CASP10: variants seen among roughly 807,000 people sequenced by gnomAD.
The protein encoded by CASP10 is caspase-10.
In CASP10, 41 loss-of-function variants were observed where a neutral mutation model predicts 48.5. That is an observed-to-expected ratio of 0.85 (90% CI 0.66 to 1.10). CASP10 has a LOEUF of 1.10. CASP10 is among the 50% of genes least tolerant of loss of function. The pLI is 0.00. For synonymous variants in CASP10, 232 were observed against 238.4 expected (o/e 0.97, Z 0.25); for missense variants, 614 against 614.5 (o/e 1.00, Z 0.01).
At position 201,186,112 on chromosome 2, in the gene CASP10, T is replaced by C. The variant is rs770155279; in HGVS notation, c.335T>C (p.Val112Ala). 12 of 1,611,488 alleles carry C rather than the reference T, an allele frequency of 7.4e-6. No individual in the cohort carries two copies. The highest frequency in any genetic ancestry group is 2.2e-5 in the East Asian group (1 of 44,876). Residue 112 changes from valine (V) to alanine (A), a missense_variant, in exon 2 of 10, where the codon GTT becomes GCT. Transcript: ENST00000286186. ...CGACTGCTGCCCACCCGACAAAGGG[T>C]TTCTCTGTTTAGGTGAGGACGGGTC... ...VERLLPTRQR[V>A]SLFRNLLYEL...
Position 201,219,006 on chromosome 2 carries a change from A to T in CASP10, c.*1265A>T. 1.0e-6 allele frequency: 1 copy of T among 983,170 alleles called. No individual in the cohort carries two copies. Among genetic ancestry groups the T allele is most frequent in the Non-Finnish European group, 1.2e-6 (1 of 827,838 alleles). The allele number at this position is 983,170 out of a possible 1,614,324, so 60.9% of individuals were successfully genotyped here. ...CATTTTGGACTGGGTGCGGTGACTC[A>T]TGCCTGTAATCCCAGTACTCTGGGA... On this transcript the variant is annotated 3_prime_UTR_variant, in exon 10 of 10. Coordinates refer to ENST00000286186, the MANE Select transcript of CASP10 (RefSeq NM_032977.4).
intron 7 of CASP10, 45 bp from the exon 8 acceptor site, chr2:201,208,030 C>T: frequency 7.1e-7 from 1 of 1,403,046 alleles, no homozygotes; most frequent in Non-Finnish European, 1.0e-6. Context: ...CATTTAAGGC[C>T]CTAAGATAAG....
intron 3 of CASP10, among the ~76,000 whole-genome samples, chr2:201,191,844 A>G (rs1944623177): frequency 6.6e-6 from 1 of 152,198 alleles, no homozygotes; most frequent in Non-Finnish European, 1.5e-5. Flanking sequence ...CAATCAGCAT[A>G]CAACATTGAG....
At chr2:201,188,870 GA>G (rs1282214106) in intron 3 of CASP10, among the ~76,000 whole-genome samples, 1 of 150,176 alleles carries the variant, frequency 6.7e-6, no homozygotes, top group East Asian at 1.9e-4. Context: ...GGAGATATTA[GA>G]ATTTTTTTTT....
chr2:201,208,080 A>G lies in CASP10; in HGVS notation c.819A>G (p.Ala273=). ...GGCTCTATCTATTCTTCAAGAGGGCAGCTGTGTACAGGATGAATCGGAACC... is the reference window on the plus strand; with the variant it reads ...GGCTCTATCTATTCTTCAAGAGGGCGGCTGTGTACAGGATGAATCGGAACC... ...TLNSETSTKR[A]AVYRMNRNHR... Residue 273 remains alanine, a synonymous_variant, in exon 8 of 10, where the codon GCA becomes GCG. Coordinates refer to ENST00000286186, the MANE Select transcript of CASP10 (RefSeq NM_032977.4). 2 of 1,612,258 alleles carry G rather than the reference A, an allele frequency of 1.2e-6. No individual in the cohort carries two copies. Among genetic ancestry groups the G allele is most frequent in the Non-Finnish European group, 1.7e-6 (2 of 1,178,352 alleles).
Position 201,208,334 on chromosome 2 carries a change from A to G in CASP10, c.922+151A>G, listed in dbSNP as rs1475561435. 24 of 1,412,340 alleles carry G rather than the reference A, an allele frequency of 1.7e-5. No homozygotes were observed. In the East Asian group the frequency reaches 5.9e-4, roughly 34 times the overall value. The allele number at this position is 1,412,340 out of a possible 1,614,324, so 87.5% of individuals were successfully genotyped here. ...GCCTCTTATATATCCCTGGGGAGTC[A>G]TCAGTCTGCTAAAGAGTGGCAAGAA... is the stretch of plus-strand genomic sequence containing the variant. On this transcript the variant is annotated intron_variant, in intron 8 of 9. Transcript: ENST00000286186.
At chr2:201,207,953 C>T in intron 7 of CASP10, 122 bp from the exon 8 acceptor site, 1 of 734,492 alleles carries the variant, frequency 1.4e-6, no homozygotes, top group Non-Finnish European at 2.5e-6. Flanking sequence ...ATGGTTTAAA[C>T]AACTGGCATG....
At chr2:201,203,093 G>A (rs779086999) in intron 5 of CASP10, among the ~76,000 whole-genome samples, 1 of 152,032 alleles carries the variant, frequency 6.6e-6, no homozygotes, top group African/African-American at 2.4e-5. Context: ...GCTGTCCTTG[G>A]CATCTTACTC....
At chr2:201,207,778 G>T (rs1303206189) in intron 7 of CASP10, among the ~76,000 whole-genome samples, 1 of 151,336 alleles carries the variant, frequency 6.6e-6, no homozygotes, top group East Asian at 1.9e-4. Context: ...AAAATTATCT[G>T]GGGGTGTTGG....
chr2:201,199,037 T>C (rs2126029606), intron 5 of CASP10, among the ~76,000 whole-genome samples: 1 of 152,280 alleles, frequency 6.6e-6, no homozygotes, highest in East Asian at 1.9e-4. Context: ...CCCATTTGCT[T>C]TATTATTTTT....
intron 9 of CASP10, chr2:201,213,428 G>C (rs1403750945): frequency 6.6e-6 from 1 of 152,120 alleles, no homozygotes; most frequent in Non-Finnish European, 1.5e-5. Flanking sequence ...GTTGTGTTGT[G>C]ACAAGTATAT....
At position 201,228,936 on chromosome 2, in the gene CASP10, G is replaced by A. The variant is rs142128351; in HGVS notation, c.1419G>A (p.Met473Ile). The A allele has an allele frequency of 8.5e-5, 137 of 1,614,088 alleles. No homozygotes were observed. The African/African-American group carries it at 1.6e-3, about 18-fold the overall frequency. Residue 473 changes from methionine (M) to isoleucine (I), a missense_variant, in exon 10 of 10, where the codon ATG becomes ATA. Transcript: ENST00000272879. ...TATTTCTCTTTGTGCTCAGTAGGATGCTGAAATTTCTGGAAAAGACAATGG... is the reference window on the plus strand; with the variant it reads ...TATTTCTCTTTGTGCTCAGTAGGATACTGAAATTTCTGGAAAAGACAATGG...
At chr2:201,210,178 C>T (rs1475263491) in intron 9 of CASP10, among the ~76,000 whole-genome samples, 2 of 152,220 alleles carry the variant, frequency 1.3e-5, no homozygotes, top group Non-Finnish European at 2.9e-5. Flanking sequence ...TATCTTTGGA[C>T]TTCTATTTGC....
At chr2:201,207,924 T>TAAC (rs1026437579) in intron 7 of CASP10, 151 bp from the exon 8 acceptor site, 10 of 678,022 alleles carry the variant, frequency 1.5e-5, no homozygotes, top group Non-Finnish European at 2.2e-5. Context: ...AACAACAAAA[T>TAAC]AACAACAACA....
intron 3 of CASP10, among the ~76,000 whole-genome samples, chr2:201,188,863 G>T (rs1944505859): frequency 2.6e-5 from 4 of 151,346 alleles, no homozygotes; most frequent in Admixed American, 2.6e-4. Context: ...CAAAAATGGA[G>T]ATATTAGAAT....
intron 6 of CASP10, 105 bp from the exon 7 acceptor site, chr2:201,205,777 G>A (rs1447448259): frequency 2.7e-6 from 2 of 745,630 alleles, no homozygotes; most frequent in African/African-American, 1.7e-5. Context: ...TCTCAGGAGG[G>A]CCTTGAGAGA....
chr2:201,201,696 G>C (rs997654559), intron 5 of CASP10, among the ~76,000 whole-genome samples: 1 of 152,146 alleles, frequency 6.6e-6, no homozygotes, highest in African/African-American at 2.4e-5. Flanking sequence ...GACTTTTAAG[G>C]TTGGAAGGTG....
chr2:201,214,699 T>C (rs982890740), intron 9 of CASP10: 9 of 152,192 alleles, frequency 5.9e-5, no homozygotes, highest in African/African-American at 1.9e-4. Flanking sequence ...CTAAGCCATA[T>C]ATGTTGGAAA....
At chr2:201,198,824 G>T (rs538724359) in intron 5 of CASP10, among the ~76,000 whole-genome samples, 19 of 152,292 alleles carry the variant, frequency 1.2e-4, no homozygotes, top group African/African-American at 4.6e-4. Flanking sequence ...ACAGGCGTGA[G>T]CCACCGCGCC....
Sources: gnomAD v4.1 joint callset for allele counts (sites outside exome capture counted in the v4.1 genomes callset) on GRCh38, gnomAD v4.1.1 for gene constraint, MANE v1.5 for transcripts, NCBI Gene and HGNC (gene_info 2026-07-23, HGNC 2026-07-21) for gene names.